The following CENPE variants were observed in gnomAD, a reference collection of about 807,000 sequenced individuals.
CENPE encodes centromere-associated protein E.
Under a neutral mutation model 336.1 loss-of-function variants are expected in CENPE, and 145 were observed. The observed-to-expected ratio is 0.43, with a 90% CI of 0.38 to 0.50. CENPE has a LOEUF of 0.50. Ranked by LOEUF, CENPE falls within the 20% of genes least tolerant of loss-of-function variation. The pLI, the probability that CENPE is intolerant of heterozygous loss-of-function variation, is 0.00. For synonymous variants in CENPE, 1,013 were observed against 984.8 expected (o/e 1.03, Z -0.54); for missense variants, 2,719 against 3,023.3 (o/e 0.90, Z 2.36).
intron 35 of CENPE, among the ~76,000 whole-genome samples, 199 bp downstream of exon 35, chr4:103,141,551 T>C (rs1006293505): frequency 1.3e-5 from 2 of 152,174 alleles, no homozygotes; most frequent in Non-Finnish European, 2.9e-5. Flanking sequence ...CTTGTGTCTT[T>C]TTATAGAAGT....
At chr4:103,143,003 CA>C (rs1168385683) in intron 34 of CENPE, among the ~76,000 whole-genome samples, 12,792 of 62,724 alleles carry the variant, frequency 0.2, 204 homozygotes, top group Middle Eastern at 0.3. Flanking sequence ...GACTCTGTCT[CA>C]AAAAAAAAAA....
chr4:103,170,298 A>T (rs1234959743), intron 16 of CENPE, among the ~76,000 whole-genome samples: 2 of 152,160 alleles, frequency 1.3e-5, no homozygotes, highest in African/African-American at 4.8e-5. Context: ...CAACAACAAC[A>T]ACAACAAAGA....
At chr4:103,126,642 T>A (rs183162773) in intron 42 of CENPE, among the ~76,000 whole-genome samples, 79 of 151,966 alleles carry the variant, frequency 5.2e-4, no homozygotes, top group Admixed American at 2.6e-3. Flanking sequence ...ACCAGAAATT[T>A]AAAAAAAATG....
At position 103,153,193 on chromosome 4, in the gene CENPE, C is replaced by T. The variant is rs2125949596; in HGVS notation, c.3091G>A (p.Ala1031Thr). The change falls in exon 25 of 49, where the codon GCA (alanine) becomes ACA (threonine). Residue 1031 changes from alanine (A) to threonine (T), a missense_variant. By Grantham distance (58) the Ala-to-Thr change is moderately conservative. Coordinates refer to ENST00000265148, the MANE Select transcript of CENPE (RefSeq NM_001813.3). ...ATTATCTCATTATCCTTAACATCTG[C>T]AGTTAGTGTTTGGGTATTTTTAGCT... ...LEAKNTQTLT[A>T]DVKDNEIIEQ... is the part of the protein sequence containing the mutation. 1.2e-6 allele frequency: 2 copies of T among 1,613,028 alleles called. No individual in the cohort carries two copies. The highest frequency in any genetic ancestry group is 3.3e-4 in the Middle Eastern group (2 of 6,020).
Position 103,140,252 on chromosome 4 carries a change from A to G in CENPE, c.5913+4T>C. 1 of 1,587,274 alleles carries G rather than the reference A, an allele frequency of 6.3e-7. No individual in the cohort carries two copies. Among genetic ancestry groups the G allele is most frequent in the Non-Finnish European group, 8.5e-7 (1 of 1,170,576 alleles). The stretch of plus-strand genomic sequence containing the variant: ...TTCCAAAAGAAGAACAAAACAACAC[A>G]TACCTTTTTCTGTAATTCATCTTTT... On this transcript the variant is annotated splice_donor_region_variant and intron_variant, in intron 37 of 48. Coordinates refer to ENST00000265148, the MANE Select transcript of CENPE (RefSeq NM_001813.3).
intron 42 of CENPE, among the ~76,000 whole-genome samples, chr4:103,130,715 G>A (rs1182674831): frequency 2.6e-5 from 4 of 152,016 alleles, no homozygotes; most frequent in African/African-American, 9.7e-5. Context: ...GCTGAAGAAC[G>A]ACGTCAGAGA....
rs373503515 is a variant in CENPE at position 103,122,816 on chromosome 4, C to T, written c.7143+55G>A. On this transcript the variant is annotated intron_variant, in intron 43 of 48. Transcript: ENST00000265148. ...AATAAGTAAATACTATAATTTTGCT[C>T]TAAACTCTGTGATGAAGCTGCAAAC... is the stretch of plus-strand genomic sequence containing the variant. 1.0e-5 allele frequency: 14 copies of T among 1,367,892 alleles called. No homozygotes were observed. In the South Asian group the frequency reaches 1.1e-4, roughly 11 times the overall value. The allele number at this position is 1,367,892 out of a possible 1,614,324, so 84.7% of individuals were successfully genotyped here.
At chr4:103,122,738 A>G (rs962140514) in intron 43 of CENPE, 133 bp downstream of exon 43, 13 of 643,342 alleles carry the variant, frequency 2.0e-5, no homozygotes, top group Middle Eastern at 3.8e-4. Context: ...TAGTAGAACT[A>G]CTAGTAAAAA....
chr4:103,157,928 G>A lies in CENPE; in HGVS notation c.3033+372C>T, dbSNP rs575474452. ...TTACTGTTACCAATATATCTTAGAGGTGTTGTGGGAAAGTAGAAAAGAATA... is the reference window on the plus strand; with the variant it reads ...TTACTGTTACCAATATATCTTAGAGATGTTGTGGGAAAGTAGAAAAGAATA... On this transcript the variant is annotated intron_variant, in intron 24 of 48. Transcript: ENST00000265148. Among the ~76,000 whole-genome samples the A allele has an allele frequency of 1.4e-4, 22 of 151,932 alleles. No individual in the cohort carries two copies. The East Asian group carries it at 3.3e-3, about 23-fold the overall frequency.
intron 46 of CENPE, among the ~76,000 whole-genome samples, chr4:103,111,350 A>G (rs918858582): frequency 3.9e-5 from 6 of 152,154 alleles, no homozygotes; most frequent in Non-Finnish European, 8.8e-5. Flanking sequence ...TTTCCCCTGA[A>G]GGGCTTGTTA....
At chr4:103,193,702 C>G (rs1192879870) in intron 8 of CENPE, among the ~76,000 whole-genome samples, 1 of 151,954 alleles carries the variant, frequency 6.6e-6, no homozygotes, top group African/African-American at 2.4e-5. Flanking sequence ...TTGGGGCTAC[C>G]AGGATGAATG....
In CENPE at chr4:103,158,774, G is replaced by A; in HGVS notation, c.2714C>T (p.Thr905Ile). Residue 905 changes from threonine (T) to isoleucine (I), a missense_variant, in exon 23 of 49, where the codon ACT (threonine) becomes ATT (isoleucine). Thr to Ile is a moderately conservative substitution (Grantham distance 89). Coordinates refer to ENST00000265148, the MANE Select transcript of CENPE (RefSeq NM_001813.3). Reference sequence around the variant, plus strand: ...AATCAGTGTTTTCTCCCTTTCTACAGTTTGCAGCGTAGAATCTCTATTTTC... The same window carrying A: ...AATCAGTGTTTTCTCCCTTTCTACAATTTGCAGCGTAGAATCTCTATTTTC... Reference protein sequence around the residue: ...QLENRDSTLQTVEREKTLITE... With the variant: ...QLENRDSTLQIVEREKTLITE... 6.2e-7 allele frequency: 1 copy of A among 1,613,108 alleles called. No homozygotes were observed. Among genetic ancestry groups the A allele is most frequent in the Non-Finnish European group, 8.5e-7 (1 of 1,179,444 alleles).
chr4:103,117,504 T>A (rs1670989986), intron 44 of CENPE, among the ~76,000 whole-genome samples: 1 of 152,100 alleles, frequency 6.6e-6, no homozygotes, highest in South Asian at 2.1e-4. Flanking sequence ...TTTTTTACTG[T>A]CTCTGTAGTT....
intron 12 of CENPE, among the ~76,000 whole-genome samples, chr4:103,180,972 T>C (rs1756280361): frequency 6.6e-6 from 1 of 152,198 alleles, no homozygotes; most frequent in Non-Finnish European, 1.5e-5. Flanking sequence ...AGAAGAGGAA[T>C]TCAGGATAAC....
At chr4:103,110,759 A>G in intron 47 of CENPE, 69 bp downstream of exon 47, 1 of 1,241,132 alleles carries the variant, frequency 8.1e-7, no homozygotes, top group Non-Finnish European at 1.1e-6. Context: ...AAATACGTGC[A>G]TATACCATGT....
At position 103,194,218 on chromosome 4, in the gene CENPE, T is replaced by C. The variant is rs200629399; in HGVS notation, c.693+11A>G. ...CCATACAGTACATTATTATGGTTCA[T>C]TAATACTCACCAAATGGGATACCTT... On this transcript the variant is annotated intron_variant, in intron 8 of 48. Coordinates refer to ENST00000265148, the MANE Select transcript of CENPE (RefSeq NM_001813.3). 3 of 1,606,730 alleles carry C rather than the reference T, an allele frequency of 1.9e-6. No homozygotes were observed. The highest frequency in any genetic ancestry group is 1.3e-5 in the African/African-American group (1 of 74,878).
In CENPE at chr4:103,108,983, C is replaced by A. The variant is rs150817909; in HGVS notation, c.7831G>T (p.Val2611Leu). ...TTCTTTTTAGAAGCTGTTCCAGTCACTTTAGGAGACTTTGGAGAATTCTCA... is the reference window on the plus strand; with the variant it reads ...TTCTTTTTAGAAGCTGTTCCAGTCAATTTAGGAGACTTTGGAGAATTCTCA... ...TCENSPKSPK[V>L]TGTASKKKQI... Residue 2611 changes from valine to leucine, a missense_variant, in exon 48 of 49, where the codon GTG (valine) becomes TTG (leucine). This residue lies in a region of CENPE where 2,437 missense variants were observed against 2,513.3 expected (regional missense o/e 0.97). Transcript: ENST00000265148. 1 of 1,613,792 alleles carries A rather than the reference C, an allele frequency of 6.2e-7. No individual in the cohort carries two copies.
intron 21 of CENPE, among the ~76,000 whole-genome samples, 196 bp downstream of exon 21, chr4:103,160,429 T>A (rs1381350041): frequency 6.6e-6 from 1 of 151,926 alleles, no homozygotes; most frequent in East Asian, 1.9e-4. Context: ...CTTGAAAAAA[T>A]ATATTTTTTA....
At chr4:103,164,956 C>T (rs978853433) in intron 16 of CENPE, among the ~76,000 whole-genome samples, 3 of 151,986 alleles carry the variant, frequency 2.0e-5, no homozygotes, top group Non-Finnish European at 2.9e-5. Flanking sequence ...AGATCGGGTG[C>T]ATTCAGGGTA....
Sources: allele counts gnomAD v4.1 joint callset (sites outside exome capture counted in the v4.1 genomes callset), GRCh38; gene constraint gnomAD v4.1.1; regional missense constraint gnomAD v4.1.1; transcripts MANE v1.5; gene names NCBI Gene and HGNC (gene_info 2026-07-23, HGNC 2026-07-21).